AAGAB: variants seen among roughly 807,000 people sequenced by gnomAD.
AAGAB encodes alpha- and gamma-adaptin-binding protein p34.
In AAGAB, 38 loss-of-function variants were observed where a neutral mutation model predicts 44.1. The ratio of observed to expected loss-of-function variants is 0.86; its 90% CI spans 0.67 to 1.13. The LOEUF is 1.13. AAGAB is among the 50% of genes most tolerant of loss of function. AAGAB has a pLI of 0.00. For synonymous variants in AAGAB, 131 were observed against 131.8 expected, an observed-to-expected ratio of 0.99 and a Z score of 0.04; for missense variants, 450 against 373.8, an observed-to-expected ratio of 1.20 and a Z score of -1.68.
intron 1 of AAGAB, chr15:67,254,113 AGCAGAATAAACTTCAGAGTAAATAC>A (rs375894831): frequency 1.4e-3 from 229 of 159,998 alleles, no homozygotes; most frequent in African/African-American, 3.8e-3. Flanking sequence ...CACATTAAGA[AGCAGAATAAACTTCAGAGTAAATAC>A]GCAGAATAAA....
At chr15:67,204,298 T>TG in intron 7 of AAGAB, 150 bp from the exon 8 acceptor site, 1 of 531,068 alleles carries the variant, frequency 1.9e-6, no homozygotes, top group Non-Finnish European at 3.3e-6. Flanking sequence ...TCACCCTGCT[T>TG]GGCTGCTAGT....
Position 67,212,612 on chromosome 15 carries a change from CAACT to C in AAGAB, c.536-3072_536-3069del, listed in dbSNP as rs571527956. Among the ~76,000 whole-genome samples the C allele has an allele frequency of 1.4e-4, 21 of 152,244 alleles. No individual in the cohort carries two copies. In the East Asian group the frequency reaches 2.7e-3, roughly 20 times the overall value. ...TATTATAAACAATGAAGAATTTAGT[CAACT>C]AACAAGAGAGTTCATTATGTTCCGC... On this transcript the variant is annotated intron_variant, in intron 5 of 9. Transcript: ENST00000261880.
At chr15:67,252,871 C>T (rs1964902661) in intron 1 of AAGAB, among the ~76,000 whole-genome samples, 1 of 152,190 alleles carries the variant, frequency 6.6e-6, no homozygotes, top group Non-Finnish European at 1.5e-5. Context: ...CTAATTCTGT[C>T]ATTTGACAGG....
intron 5 of AAGAB, among the ~76,000 whole-genome samples, chr15:67,214,431 GTAT>G (rs1963893683): frequency 6.6e-6 from 1 of 152,192 alleles, no homozygotes; most frequent in African/African-American, 2.4e-5. Flanking sequence ...TTGAATCTCA[GTAT>G]TATTGACATT....
chr15:67,209,755 T>G (rs1041479873), intron 5 of AAGAB, among the ~76,000 whole-genome samples: 1 of 152,212 alleles, frequency 6.6e-6, no homozygotes, highest in Non-Finnish European at 1.5e-5. Context: ...TGGGCTCAAG[T>G]GATCCTCCTT....
At chr15:67,222,275 CACACACA>C (rs1199129865) in intron 5 of AAGAB, among the ~76,000 whole-genome samples, 39 of 150,476 alleles carry the variant, frequency 2.6e-4, no homozygotes, top group African/African-American at 7.9e-4. Context: ...CACACACACA[CACACACA>C]CCCTCCACCC....
At chr15:67,232,290 A>G (rs546049633) in intron 4 of AAGAB, among the ~76,000 whole-genome samples, 1 of 151,844 alleles carries the variant, frequency 6.6e-6, no homozygotes, top group South Asian at 2.1e-4. Flanking sequence ...CCTCCAAGCC[A>G]TATTTTCAAA....
intron 5 of AAGAB, among the ~76,000 whole-genome samples, chr15:67,215,586 A>G (rs1182631472): frequency 6.6e-6 from 1 of 152,180 alleles, no homozygotes; most frequent in African/African-American, 2.4e-5. Flanking sequence ...TGTATTATAA[A>G]CATGTTCTTT....
rs973677189 is a variant in AAGAB, at chr15:67,200,873, A to T, written c.*1948T>A. Reference sequence around the variant, plus strand: ...GCATAGCTGAGGTCTTAAAAACATGACATTACATATGCAGGGTAAATTCTA... The same window carrying T: ...GCATAGCTGAGGTCTTAAAAACATGTCATTACATATGCAGGGTAAATTCTA... On this transcript the variant is annotated 3_prime_UTR_variant, in exon 10 of 10. Coordinates refer to ENST00000261880, the MANE Select transcript of AAGAB (RefSeq NM_024666.5). Among the ~76,000 whole-genome samples, 8 of 152,244 alleles carry T rather than the reference A, an allele frequency of 5.3e-5. No individual in the cohort carries two copies. The highest frequency in any genetic ancestry group is 1.7e-4 in the African/African-American group (7 of 41,458).
chr15:67,208,147 C>A (rs1052291870), intron 7 of AAGAB, among the ~76,000 whole-genome samples: 9 of 151,374 alleles, frequency 5.9e-5, no homozygotes, highest in African/African-American at 2.2e-4. Flanking sequence ...AACTTCATTA[C>A]CAAATGAGAA....
chr15:67,203,015 G>A (rs1879506669), intron 9 of AAGAB, 117 bp from the exon 10 acceptor site: 1 of 856,410 alleles, frequency 1.2e-6, no homozygotes, highest in Non-Finnish European at 2.0e-6. Context: ...CCAGTCCTCT[G>A]GCAACACATA....
intron 7 of AAGAB, among the ~76,000 whole-genome samples, chr15:67,207,963 G>C (rs1963722998): frequency 6.6e-6 from 1 of 152,180 alleles, no homozygotes; most frequent in Admixed American, 6.5e-5. Flanking sequence ...TGAGCCGTCT[G>C]TAGCATAAAG....
intron 7 of AAGAB, among the ~76,000 whole-genome samples, chr15:67,205,319 T>C (rs1234377687): frequency 6.6e-6 from 1 of 152,226 alleles, no homozygotes; most frequent in African/African-American, 2.4e-5. Flanking sequence ...CGCATCTTGG[T>C]TAATATATTT....
At chr15:67,224,962 CT>C (rs1964168975) in intron 5 of AAGAB, among the ~76,000 whole-genome samples, 5 of 152,328 alleles carry the variant, frequency 3.3e-5, no homozygotes, top group Admixed American at 3.3e-4. Context: ...TTTCAAAATG[CT>C]GAATTTATTC....
chr15:67,254,394 T>G (rs2140410213), intron 1 of AAGAB, 165 bp downstream of exon 1: 58 of 1,415,574 alleles, frequency 4.1e-5, no homozygotes, highest in Non-Finnish European at 5.4e-5. Flanking sequence ...AGCACGAGAT[T>G]AAGAGATAGG....
At chr15:67,237,816 T>A (rs1270888527) in intron 1 of AAGAB, among the ~76,000 whole-genome samples, 2 of 152,194 alleles carry the variant, frequency 1.3e-5, no homozygotes, top group African/African-American at 2.4e-5. Context: ...CAATGCATAC[T>A]AAGATGAACA....
At chr15:67,254,938 C>G, upstream of AAGAB, 1 of 1,613,662 alleles carries the variant, frequency 6.2e-7, no homozygotes, top group Non-Finnish European at 8.5e-7. Context: ...TCGGATCCAT[C>G]TTAATCCAGG....
At chr15:67,229,264 C>A (rs1306347900) in intron 5 of AAGAB, among the ~76,000 whole-genome samples, 1 of 151,998 alleles carries the variant, frequency 6.6e-6, no homozygotes, top group African/African-American at 2.4e-5. Flanking sequence ...AAACCCCCGT[C>A]TCTACTAAAA....
At chr15:67,209,434 G>A (rs1447605785) in intron 6 of AAGAB, 28 bp downstream of exon 6, 6 of 1,571,814 alleles carry the variant, frequency 3.8e-6, no homozygotes, top group Non-Finnish European at 5.2e-6. Context: ...AGCCAAAGAG[G>A]GAAAAAAGAT....
Sources: allele counts gnomAD v4.1 joint callset (sites outside exome capture counted in the v4.1 genomes callset), GRCh38; gene constraint gnomAD v4.1.1; transcripts MANE v1.5; gene names NCBI Gene and HGNC (gene_info 2026-07-23, HGNC 2026-07-21).